The following ALK variants were observed in gnomAD, a reference collection of about 807,000 sequenced individuals.
ALK encodes ALK tyrosine kinase receptor.
In ALK, 74 loss-of-function variants were observed where a neutral mutation model predicts 163.1. That is an observed-to-expected ratio of 0.45 (90% CI 0.38 to 0.55). ALK has a LOEUF of 0.55. Among genes scored for constraint, ALK ranks in the 20% least tolerant of loss-of-function variants. The pLI, the probability that ALK is intolerant of heterozygous loss-of-function variation, is 0.00. For missense variants in ALK, 2,063 were observed against 2,105.3 expected, an observed-to-expected ratio of 0.98 and a Z score of 0.39; for synonymous variants, 960 against 843.2, an observed-to-expected ratio of 1.14 and a Z score of -2.40.
intron 3 of ALK, among the ~76,000 whole-genome samples, chr2:29,569,816 C>T (rs900145927): frequency 6.6e-6 from 1 of 152,150 alleles, no homozygotes; most frequent in Non-Finnish European, 1.5e-5. Flanking sequence ...CTTCAGGGGT[C>T]CCTGGAACCC....
intron 4 of ALK, among the ~76,000 whole-genome samples, chr2:29,457,488 G>C (rs938613734): frequency 1.3e-5 from 2 of 152,102 alleles, no homozygotes; most frequent in Non-Finnish European, 2.9e-5. Context: ...GTATGGACAG[G>C]TTTCCATCTG....
chr2:29,420,144 G>A (rs1402332809), intron 4 of ALK, among the ~76,000 whole-genome samples: 1 of 120,036 alleles, frequency 8.3e-6, no homozygotes, highest in Non-Finnish European at 1.7e-5. Flanking sequence ...GTGACAAAGT[G>A]AGACCCTGTC....
At chr2:29,280,067 G>A (rs1045839879) in intron 9 of ALK, among the ~76,000 whole-genome samples, 4 of 152,116 alleles carry the variant, frequency 2.6e-5, no homozygotes, top group Non-Finnish European at 5.9e-5. Context: ...CACACTCTGG[G>A]ACTGAGCAAG....
intron 5 of ALK, among the ~76,000 whole-genome samples, chr2:29,330,966 G>A (rs1230958785): frequency 6.6e-6 from 1 of 152,288 alleles, no homozygotes; most frequent in African/African-American, 2.4e-5. Context: ...ACAAATTCAT[G>A]TTGCTCTATT....
At chr2:29,509,507 C>G (rs1378490783) in intron 4 of ALK, among the ~76,000 whole-genome samples, 2 of 152,116 alleles carry the variant, frequency 1.3e-5, no homozygotes, top group Non-Finnish European at 2.9e-5. Flanking sequence ...AAGAAAAGAG[C>G]CTTTCTACCT....
chr2:29,579,123 A>G (rs1278217663), intron 3 of ALK, among the ~76,000 whole-genome samples: 1 of 152,222 alleles, frequency 6.6e-6, no homozygotes, highest in East Asian at 1.9e-4. Flanking sequence ...GGGTCTGGAA[A>G]TCCACAGGGC....
chr2:29,310,567 A>G (rs1012977346), intron 8 of ALK, among the ~76,000 whole-genome samples: 7 of 152,244 alleles, frequency 4.6e-5, no homozygotes, highest in African/African-American at 1.4e-4. Flanking sequence ...AAGTTTTCAC[A>G]CTGAATGTAA....
chr2:29,252,447 G>A (rs367736811), intron 11 of ALK, among the ~76,000 whole-genome samples: 3 of 152,322 alleles, frequency 2.0e-5, no homozygotes, highest in East Asian at 3.9e-4. Flanking sequence ...AGACATTAAA[G>A]TGAAAACATT....
chr2:29,438,292 A>G (rs72792463), intron 4 of ALK, among the ~76,000 whole-genome samples: 15,586 of 152,330 alleles, frequency 0.1, 1,104 homozygotes, highest in Non-Finnish European at 0.15. Context: ...CAAACATCTT[A>G]TAAGTATTAG....
chr2:29,686,543 C>G (rs2631994), intron 3 of ALK, among the ~76,000 whole-genome samples: 3 of 151,986 alleles, frequency 2.0e-5, no homozygotes, highest in Non-Finnish European at 2.9e-5. Context: ...AAGATCTTAC[C>G]TAACAGATGA....
At chr2:29,887,186 A>T (rs141686620) in intron 1 of ALK, among the ~76,000 whole-genome samples, 2 of 152,312 alleles carry the variant, frequency 1.3e-5, no homozygotes, top group Non-Finnish European at 2.9e-5. Flanking sequence ...TAACTAGTTG[A>T]TTCTTCTGTT....
At chr2:29,268,888 C>T (rs545797170) in intron 11 of ALK, among the ~76,000 whole-genome samples, 1 of 152,286 alleles carries the variant, frequency 6.6e-6, no homozygotes, top group East Asian at 1.9e-4. Context: ...AATGATGGCT[C>T]AGGTAGCTCC....
intron 4 of ALK, among the ~76,000 whole-genome samples, chr2:29,484,071 T>C (rs534756702): frequency 1.3e-5 from 2 of 152,248 alleles, no homozygotes; most frequent in South Asian, 4.1e-4. Flanking sequence ...TTATTCACTA[T>C]CATGAGAACA....
intron 4 of ALK, among the ~76,000 whole-genome samples, chr2:29,521,624 TAGAAAC>T (rs1672814381): frequency 6.6e-6 from 1 of 152,166 alleles, no homozygotes; most frequent in Admixed American, 6.5e-5. Flanking sequence ...AAGGCAAACT[TAGAAAC>T]AGGCCAAGTA....
intron 3 of ALK, among the ~76,000 whole-genome samples, chr2:29,646,020 G>A (rs911335198): frequency 2.6e-5 from 4 of 152,064 alleles, no homozygotes; most frequent in East Asian, 1.9e-4. Flanking sequence ...CCCTGGATTT[G>A]TATCTTCAGC....
intron 12 of ALK, among the ~76,000 whole-genome samples, chr2:29,245,774 A>G (rs1471826956): frequency 6.9e-6 from 1 of 145,362 alleles, no homozygotes; most frequent in Admixed American, 6.9e-5. Flanking sequence ...TGCCCTGCAC[A>G]CAGTAGGGGC....
At chr2:29,599,831 A>G (rs1157349240) in intron 3 of ALK, among the ~76,000 whole-genome samples, 1 of 152,228 alleles carries the variant, frequency 6.6e-6, no homozygotes, top group Non-Finnish European at 1.5e-5. Context: ...GGAACATCAA[A>G]TGGGCAATAC....
intron 22 of ALK, among the ~76,000 whole-genome samples, chr2:29,221,863 A>C (rs1669814161): frequency 6.6e-6 from 1 of 152,112 alleles, no homozygotes; most frequent in South Asian, 2.1e-4. Context: ...AGGCACTGAG[A>C]CTCTCAGCTT....
chr2:29,314,912 C>T, intron 8 of ALK, among the ~76,000 whole-genome samples: 1 of 152,088 alleles, frequency 6.6e-6, no homozygotes, highest in East Asian at 1.9e-4. Context: ...GACACATCCG[C>T]GGGTGTCTCA....
Sources: gnomAD v4.1 joint callset for allele counts (sites outside exome capture counted in the v4.1 genomes callset) on GRCh38, gnomAD v4.1.1 for gene constraint, MANE v1.5 for transcripts, NCBI Gene and HGNC (gene_info 2026-07-23, HGNC 2026-07-21) for gene names.